The following KMT2D variants were observed in gnomAD, a reference collection of about 807,000 sequenced individuals.
KMT2D encodes histone-lysine N-methyltransferase 2D.
A neutral mutation model predicts 512.7 loss-of-function variants in KMT2D; 55 were observed. The ratio of observed to expected loss-of-function variants is 0.11; its 90% CI spans 0.09 to 0.13. The LOEUF is 0.13. KMT2D is among the 10% of genes least tolerant of loss of function. The pLI is 1.00. For missense variants in KMT2D, 6,061 were observed against 7,127.9 expected (o/e 0.85, Z 5.39); for synonymous variants, 2,995 against 2,904.0 (o/e 1.03, Z -1.01).
rs2137711383 is a variant in KMT2D, at chr12:49,024,820, A to G, written c.15911T>C (p.Ile5304Thr). The G allele has an allele frequency of 6.2e-7, 1 of 1,613,120 alleles. No homozygotes were observed. Among genetic ancestry groups the G allele is most frequent in the Non-Finnish European group, 8.5e-7 (1 of 1,179,478 alleles). The change falls in exon 50 of 55, where the codon ATA becomes ACA. Residue 5304 changes from isoleucine to threonine, a missense_variant. By Grantham distance (89) the Ile-to-Thr change is moderately conservative. Coordinates refer to ENST00000301067, the MANE Select transcript of KMT2D (RefSeq NM_003482.4). The surrounding 1 kb of genome is among the most constrained non-coding windows in gnomAD (Gnocchi z 4.5). ...CAGCCCCTTCCTTACTGATTCAGCT[A>G]TGCGAAGCACGGCATGCACCGTCAG... is the stretch of plus-strand genomic sequence containing the variant. ...FGLTVHAVLR[I>T]AESLPGVESC...
At chr12:49,048,996 A>G (rs1937733373) in intron 13 of KMT2D, 109 bp downstream of exon 13, 4 of 769,978 alleles carry the variant, frequency 5.2e-6, no homozygotes, top group Middle Eastern at 2.4e-4. Flanking sequence ...ACATAGCCAG[A>G]CAGGCCCTAG....
In KMT2D at chr12:49,032,918, T is replaced by C. The variant is rs992527380; in HGVS notation, c.11787A>G (p.Gln3929=). 1.9e-5 allele frequency: 29 copies of C among 1,549,928 alleles called. No individual in the cohort carries two copies. The highest frequency in any genetic ancestry group is 1.5e-4 in the African/African-American group (11 of 72,910). The change falls in exon 40 of 55, where the codon CAA becomes CAG. Residue 3929 remains glutamine, a synonymous_variant. Coordinates refer to ENST00000301067, the MANE Select transcript of KMT2D (RefSeq NM_003482.4). ...GCTGCTGTTGCTGCTGTTGAAGCTG[T>C]TGCTGCTGAAGTTGCTGTTGCTGTT... The part of the protein sequence containing the change: ...QLQQQQQLQQ[Q]QLQQQQQQQQ...
In KMT2D at chr12:49,029,115, C is replaced by T. The variant is rs781005311; in HGVS notation, c.14197G>A (p.Glu4733Lys). Residue 4733 changes from glutamate to lysine, a missense_variant, in exon 45 of 55, where the codon GAG becomes AAG. Glu to Lys is a moderately conservative substitution (Grantham distance 56, BLOSUM62 1). Coordinates refer to ENST00000301067, the MANE Select transcript of KMT2D (RefSeq NM_003482.4). ...ATGACAGGGGAGAGGGCCCGGTCCT[C>T]TTGCTCCCACCGGCCTGAGCCCAGA... Reference protein sequence around the residue: ...PHLGSGRWEQEDRALSPVIPL... With the variant: ...PHLGSGRWEQKDRALSPVIPL... 11 of 1,612,528 alleles carry T rather than the reference C, an allele frequency of 6.8e-6. No individual in the cohort carries two copies. In the South Asian group the frequency reaches 1.2e-4, roughly 18 times the overall value.
At position 49,039,699 on chromosome 12, in the gene KMT2D, G is replaced by A. The variant is rs1245099022; in HGVS notation, c.8046+25C>T. The A allele has an allele frequency of 6.2e-7, 1 of 1,608,120 alleles. No individual in the cohort carries two copies. Among genetic ancestry groups the A allele is most frequent in the South Asian group, 1.1e-5 (1 of 90,890 alleles). Reference sequence around the variant, plus strand: ...CCCAGAGACAGGAGCGATATAGGGGGCTTAGCTCCAGGGTGTCAACTTACC... The same window carrying A: ...CCCAGAGACAGGAGCGATATAGGGGACTTAGCTCCAGGGTGTCAACTTACC... On this transcript the variant is annotated intron_variant, in intron 32 of 54. Coordinates refer to ENST00000301067, the MANE Select transcript of KMT2D (RefSeq NM_003482.4). The surrounding 1 kb of genome is among the most constrained non-coding windows in gnomAD (Gnocchi z 5.0).
intron 8 of KMT2D, 41 bp downstream of exon 8, chr12:49,053,166 A>G (rs1357969045): frequency 1.2e-6 from 2 of 1,610,586 alleles, no homozygotes; most frequent in Admixed American, 3.3e-5. Context: ...GCTGTAGCAG[A>G]CACAGTTAGG....
rs1368334014 is a variant in KMT2D, at chr12:49,048,677, G to A, written c.4113C>T (p.Asp1371=). The A allele has an allele frequency of 1.2e-6, 2 of 1,611,694 alleles. No homozygotes were observed. The highest frequency in any genetic ancestry group is 1.7e-6 in the Non-Finnish European group (2 of 1,177,794). ...ATGGTACCTGCATTAGGACAAATTT[G>A]TCTGTGTTGGAGAAGAGAACCACGG... ...QNTVVLFSNT[D]KFVLMQDMCV... The change falls in exon 14 of 55, where the codon GAC becomes GAT. Residue 1371 remains aspartate (D), a synonymous_variant. Coordinates refer to ENST00000301067, the MANE Select transcript of KMT2D (RefSeq NM_003482.4).
rs1942890947 is a variant in KMT2D at position 49,031,190 on chromosome 12, G to A, written c.13515C>T (p.Thr4505=). The change falls in exon 40 of 55, where the codon ACC becomes ACT. Residue 4505 remains threonine, a synonymous_variant. Coordinates refer to ENST00000301067, the MANE Select transcript of KMT2D (RefSeq NM_003482.4). ...LAGLEQKLQG[T]PSNKEDAAAR... is the part of the protein sequence containing the mutation. Reference sequence around the variant, plus strand: ...GAGTACTCACCTCCTTGTTGCTGGGGGTACCCTGTAGTTTCTGCTCCAGCC... The same window carrying A: ...GAGTACTCACCTCCTTGTTGCTGGGAGTACCCTGTAGTTTCTGCTCCAGCC... 1.2e-6 allele frequency: 2 copies of A among 1,608,920 alleles called. No individual in the cohort carries two copies. The highest frequency in any genetic ancestry group is 1.1e-5 in the South Asian group (1 of 90,888).
chr12:49,046,243 G>C lies in KMT2D; in HGVS notation c.4583+17C>G, dbSNP rs1215549816. The stretch of plus-strand genomic sequence containing the variant: ...GCTGGCAACAGGGCCAAAGTGAGGA[G>C]AAAGGGATGTTCTCACCGTTCACAG... On this transcript the variant is annotated intron_variant, in intron 17 of 54. Transcript: ENST00000301067. The surrounding 1 kb of genome is among the most constrained non-coding windows in gnomAD (Gnocchi z 4.2). 2 of 1,613,784 alleles carry C rather than the reference G, an allele frequency of 1.2e-6. No homozygotes were observed. Among genetic ancestry groups the C allele is most frequent in the East Asian group, 2.2e-5 (1 of 44,894 alleles).
At position 49,052,233 on chromosome 12, in the gene KMT2D, G is replaced by A. The variant is rs2120683566; in HGVS notation, c.1450C>T (p.His484Tyr). ...LPASPLPEAL[H>Y]LSRPLEESPL... Reference sequence around the variant, plus strand: ...GATTCCTCCAGCGGCCGGGACAGGTGCAATGCCTCAGGAAGTGGGGATGCG... The same window carrying A: ...GATTCCTCCAGCGGCCGGGACAGGTACAATGCCTCAGGAAGTGGGGATGCG... Residue 484 changes from histidine to tyrosine, a missense_variant, in exon 11 of 55, where the codon CAC becomes TAC. Physicochemically the swap from His to Tyr is moderately conservative, Grantham distance 83. This residue lies in a region of KMT2D where 848 missense variants were observed against 838.5 expected (regional missense o/e 1.01). Coordinates refer to ENST00000301067, the MANE Select transcript of KMT2D (RefSeq NM_003482.4). 2.5e-6 allele frequency: 4 copies of A among 1,612,958 alleles called. No individual in the cohort carries two copies. Among genetic ancestry groups the A allele is most frequent in the Non-Finnish European group, 3.4e-6 (4 of 1,179,538 alleles).
Position 49,038,545 on chromosome 12 carries a change from T to C in KMT2D, c.8811A>G (p.Pro2937=), listed in dbSNP as rs1488164165. 1 of 1,611,146 alleles carries C rather than the reference T, an allele frequency of 6.2e-7. No individual in the cohort carries two copies. The highest frequency in any genetic ancestry group is 8.5e-7 in the Non-Finnish European group (1 of 1,177,984). Residue 2937 remains proline (P), a synonymous_variant, in exon 35 of 55, where the codon CCA becomes CCG. Transcript: ENST00000301067. This position sits in a 1 kb window ranked among gnomAD's most constrained non-coding sequence, Gnocchi z 5.7. ...GACTGTTGTTCAATTCAGGGGCCGG[T>C]GGGGCTGAGGGTTTCTGTGGGGGAA... ...SGLPPQKPSA[P]PAPELNNSLH...
intron 43 of KMT2D, among the ~76,000 whole-genome samples, chr12:49,029,857 T>C (rs1396297300): frequency 1.3e-5 from 2 of 152,128 alleles, no homozygotes; most frequent in Non-Finnish European, 2.9e-5. Context: ...TGTTTAGTCA[T>C]TTAATAACTC....
In KMT2D at chr12:49,050,579, T is replaced by C. The variant is rs1565814718; in HGVS notation, c.3009A>G (p.Pro1003=). The C allele has an allele frequency of 6.2e-7, 1 of 1,602,650 alleles. No individual in the cohort carries two copies. Among genetic ancestry groups the C allele is most frequent in the Middle Eastern group, 1.7e-4 (1 of 6,008 alleles). ...PEPVPPMILP[P]SPGSPVGPAS... is the part of the protein sequence containing the mutation. ...CCGGCCCCACTGGGGAGCCTGGAGATGGGGGAAGGATCATAGGGGGGACAG... is the reference window on the plus strand; with the variant it reads ...CCGGCCCCACTGGGGAGCCTGGAGACGGGGGAAGGATCATAGGGGGGACAG... The change falls in exon 12 of 55, where the codon CCA becomes CCG. Residue 1003 remains proline, a synonymous_variant. Transcript: ENST00000301067.
Position 49,041,412 on chromosome 12 carries a change from CAGCGGGGGGCGG to C in KMT2D, c.6346_6357del (p.Pro2116_Ala2119del), listed in dbSNP as rs751321239. 6.2e-7 allele frequency: 1 copy of C among 1,608,256 alleles called. No homozygotes were observed. The highest frequency in any genetic ancestry group is 1.3e-5 in the African/African-American group (1 of 74,722). ...CTGCCAATGAAAATGGTGGGGGCAG[CAGCGGGGGGCGG>C]GCTGCCCAGTGCCCCTGGCTGCGGG... On this transcript the variant is annotated inframe_deletion, in exon 32 of 55. Transcript: ENST00000301067. The surrounding 1 kb of genome is among the most constrained non-coding windows in gnomAD (Gnocchi z 5.4).
At position 49,038,554 on chromosome 12, in the gene KMT2D, G is replaced by A. The variant is rs143846196; in HGVS notation, c.8802C>T (p.Pro2934=). ...LAVSGLPPQK[P]SAPPAPELNN... ...TCAATTCAGGGGCCGGTGGGGCTGAGGGTTTCTGTGGGGGAAGACCTGATA... is the reference window on the plus strand; with the variant it reads ...TCAATTCAGGGGCCGGTGGGGCTGAAGGTTTCTGTGGGGGAAGACCTGATA... Residue 2934 remains proline, a synonymous_variant, in exon 35 of 55, where the codon CCC becomes CCT. Coordinates refer to ENST00000301067, the MANE Select transcript of KMT2D (RefSeq NM_003482.4). The surrounding 1 kb of genome is among the most constrained non-coding windows in gnomAD (Gnocchi z 5.7). 12 of 1,612,188 alleles carry A rather than the reference G, an allele frequency of 7.4e-6. No homozygotes were observed. The Admixed American group carries it at 8.3e-5, about 11-fold the overall frequency.
At position 49,040,944 on chromosome 12, in the gene KMT2D, G is replaced by C; in HGVS notation, c.6826C>G (p.Pro2276Ala). ...GKASEPLLSP[P>A]PFGESRKALE... ...GCCTTCCGGGACTCCCCAAAAGGTG[G>C]GGGCGAGAGCAGGGGCTCGGAAGCT... The change falls in exon 32 of 55, where the codon CCA (proline) becomes GCA (alanine). Residue 2276 changes from proline (P) to alanine (A), a missense_variant. Around this residue, in one of 16 missense-constraint regions of KMT2D, gnomAD observed 710 missense variants for 647.3 expected, o/e 1.10. Transcript: ENST00000301067. 1 of 1,613,458 alleles carries C rather than the reference G, an allele frequency of 6.2e-7. No individual in the cohort carries two copies. Among genetic ancestry groups the C allele is most frequent in the Non-Finnish European group, 8.5e-7 (1 of 1,179,574 alleles).
Position 49,030,398 on chromosome 12 carries a change from G to C in KMT2D, c.13881C>G (p.Pro4627=), listed in dbSNP as rs757351847. The C allele has an allele frequency of 6.4e-7, 1 of 1,556,988 alleles. No homozygotes were observed. Among genetic ancestry groups the C allele is most frequent in the Non-Finnish European group, 8.7e-7 (1 of 1,144,898 alleles). ...GCTGCACCGATGGGGGTGGGGTGGG[G>C]GGCAGCGACGAGGGTGGTGTCGGCG... The part of the protein sequence containing the change: ...SNPPTPPSSL[P]PTPPPSVQQK... Residue 4627 remains proline (P), a synonymous_variant, in exon 43 of 55, where the codon CCC becomes CCG. Coordinates refer to ENST00000301067, the MANE Select transcript of KMT2D (RefSeq NM_003482.4).
rs1405051116 is a variant in KMT2D at position 49,021,251 on chromosome 12, G to A, written c.*529C>T. 2 of 215,888 alleles carry A rather than the reference G, an allele frequency of 9.3e-6. No homozygotes were observed. Among genetic ancestry groups the A allele is most frequent in the African/African-American group, 4.5e-5 (2 of 44,176 alleles). The allele number at this position is 215,888 out of a possible 1,614,324, so 13.4% of individuals were successfully genotyped here. On this transcript the variant is annotated 3_prime_UTR_variant, in exon 55 of 55. Coordinates refer to ENST00000301067, the MANE Select transcript of KMT2D (RefSeq NM_003482.4). ...AGAGACAGAAACACAGAGGAAAAGA[G>A]GGAAACAGAGACAGATCAAGAGGGA...
Position 49,037,526 on chromosome 12 carries a change from T to C in KMT2D, c.9830A>G (p.Gln3277Arg). The C allele has an allele frequency of 6.4e-7, 1 of 1,555,410 alleles. No homozygotes were observed. The highest frequency in any genetic ancestry group is 8.7e-7 in the Non-Finnish European group (1 of 1,149,290). ...TAGGGAATGCTGCTGCTGCTGTTGC[T>C]GCTGCTGCTGGGCAGGCTGCAACTG... is the stretch of plus-strand genomic sequence containing the variant. ...SAQLQPAQQQ[Q>R]QQQQQHSLLS... Residue 3277 changes from glutamine to arginine, a missense_variant, in exon 35 of 55, where the codon CAG (glutamine) becomes CGG (arginine). Gln to Arg is a conservative substitution (Grantham distance 43). Coordinates refer to ENST00000301067, the MANE Select transcript of KMT2D (RefSeq NM_003482.4).
rs374075728 is a variant in KMT2D at position 49,039,328 on chromosome 12, T to C, written c.8260A>G (p.Ser2754Gly). ...CCCAGGATGGGGCCACTCAGCTTGC[T>C]TGGGGGCAACCCCACAAGGCTGCTC... is the stretch of plus-strand genomic sequence containing the variant. ...DKSSLVGLPPSKLSGPILGPG... is the reference protein window; with the variant it reads ...DKSSLVGLPPGKLSGPILGPG... The change falls in exon 34 of 55, where the codon AGC becomes GGC. Residue 2754 changes from serine (S) to glycine (G), a missense_variant. Ser to Gly is a moderately conservative substitution (Grantham distance 56). This residue lies in a region of KMT2D where 527 missense variants were observed against 578.9 expected (regional missense o/e 0.91). Transcript: ENST00000301067. This position sits in a 1 kb window ranked among gnomAD's most constrained non-coding sequence, Gnocchi z 5.0. 48 of 1,613,424 alleles carry C rather than the reference T, an allele frequency of 3.0e-5. No homozygotes were observed. Among genetic ancestry groups the C allele is most frequent in the Non-Finnish European group, 4.0e-5 (47 of 1,179,732 alleles).
Sources: allele counts gnomAD v4.1 joint callset (sites outside exome capture counted in the v4.1 genomes callset), GRCh38; gene constraint gnomAD v4.1.1; regional missense constraint gnomAD v4.1.1; non-coding constraint Gnocchi (gnomAD v3.1); transcripts MANE v1.5; gene names NCBI Gene and HGNC (gene_info 2026-07-23, HGNC 2026-07-21).